Variants in LYSMD4 observed in about 807,000 individuals in gnomAD.
The protein encoded by LYSMD4 is LysM domain containing 4.
In LYSMD4, 9 loss-of-function variants were observed where a neutral mutation model predicts 6.1. The observed-to-expected ratio is 1.47, with a 90% CI of 0.88 to 2.56. LYSMD4 has a LOEUF of 2.56. Ranked by LOEUF, LYSMD4 falls within the 30% of genes most tolerant of loss-of-function variation. LYSMD4 has a pLI of 0.00. For missense variants in LYSMD4, 384 were observed against 373.5 expected (o/e 1.03, Z -0.23); for synonymous variants, 143 against 148.5 (o/e 0.96, Z 0.27).
At chr15:99,724,826 C>A (rs1481973462), downstream of LYSMD4, among the ~76,000 whole-genome samples, 1 of 152,202 alleles carries the variant, frequency 6.6e-6, no homozygotes, top group Non-Finnish European at 1.5e-5. Context: ...AGTCTCTGTG[C>A]AAGTTTTGAG....
rs1291209203 is a variant in LYSMD4 at position 99,729,429 on chromosome 15, G to A, written c.585C>T (p.Thr195=). 2 of 1,614,194 alleles carry A rather than the reference G, an allele frequency of 1.2e-6. No individual in the cohort carries two copies. The highest frequency in any genetic ancestry group is 1.3e-5 in the African/African-American group (1 of 75,064). Residue 195 remains threonine, a synonymous_variant, in exon 3 of 3, where the codon ACC becomes ACT. Coordinates refer to ENST00000684762, the MANE Select transcript of LYSMD4 (RefSeq NM_001284417.2). ...GTGCCGGGAGCAGTGGCTGATGGGA[G>A]GTGTCCATGCAGTAACTTTCATGTA... The part of the protein sequence containing the change: ...IFLHESYCMD[T]SHQPLLPAPP...
upstream of LYSMD4, among the ~76,000 whole-genome samples, chr15:99,722,306 C>A (rs1461422840): frequency 6.6e-6 from 1 of 152,174 alleles, no homozygotes. Context: ...CCTCAGAAGG[C>A]CTTGCCCCGG....
intron 2 of LYSMD4, among the ~76,000 whole-genome samples, chr15:99,730,826 G>C (rs1019704541): frequency 1.3e-5 from 2 of 152,130 alleles, no homozygotes; most frequent in Non-Finnish European, 2.9e-5. Context: ...TCCGGTCTTT[G>C]TAGGACAGGC....
downstream of LYSMD4, among the ~76,000 whole-genome samples, chr15:99,723,310 G>A (rs1334500977): frequency 6.6e-6 from 1 of 152,140 alleles, no homozygotes; most frequent in African/African-American, 2.4e-5. Context: ...AAGCCACACC[G>A]AGGCCCCTCA....
rs1227402601 is a variant in LYSMD4 at position 99,728,808 on chromosome 15, T to C, written c.*315A>G. 2.6e-5 allele frequency: 9 copies of C among 351,788 alleles called. No homozygotes were observed. Among genetic ancestry groups the C allele is most frequent in the Middle Eastern group, 8.2e-4 (1 of 1,220 alleles). 21.8% of individuals were successfully genotyped at this position (351,788 alleles called of 1,614,324 possible). A position where few individuals can be genotyped will look rare whatever the true frequency, so the allele number is the denominator to read the frequency against. On this transcript the variant is annotated 3_prime_UTR_variant, in exon 3 of 3. Transcript: ENST00000684762. ...TCGACAGAGGCCATAAATCTTTCCC[T>C]CCGAGCACGTCCAACTTGGGGGTCC...
At chr15:99,726,992 A>G (rs6598262), downstream of LYSMD4, among the ~76,000 whole-genome samples, 142,272 of 152,232 alleles carry the variant, frequency 0.93, 66,971 homozygotes, top group Non-Finnish European at 0.99. Context: ...AGGTGCAGGG[A>G]ACAGGCACAG....
At chr15:99,733,180 C>T (rs1323438916) in intron 1 of LYSMD4, 165 bp downstream of exon 1, 1 of 373,792 alleles carries the variant, frequency 2.7e-6, no homozygotes, top group Admixed American at 4.6e-5. Flanking sequence ...CTGGGGCCAG[C>T]CCACGACAGT....
At chr15:99,716,856 G>A (rs568355714) in exon 1 of LYSMD4, 3 of 356,604 alleles carry the variant, frequency 8.4e-6, no homozygotes, top group East Asian at 1.5e-4. Flanking sequence ...GAGGGGGTGG[G>A]TATGTTAGCT....
Position 99,728,618 on chromosome 15 carries a change from C to CA in LYSMD4, c.*504dup, listed in dbSNP as rs1220375162. 1 of 170,882 alleles carries CA rather than the reference C, an allele frequency of 5.9e-6. No individual in the cohort carries two copies. The highest frequency in any genetic ancestry group is 2.4e-5 in the African/African-American group (1 of 42,192). The allele number at this position is 170,882 out of a possible 1,614,324, so 10.6% of individuals were successfully genotyped here. A position where few individuals can be genotyped will look rare whatever the true frequency, so the allele number is the denominator to read the frequency against. On this transcript the variant is annotated 3_prime_UTR_variant, in exon 3 of 3. Transcript: ENST00000684762. ...GTAGGCTTGTTACAACTGTAACTGT[C>CA]ACTCTCTAAAACAGGGTGGCATGCC...
chr15:99,718,913 A>G (rs1043754878), upstream of LYSMD4, among the ~76,000 whole-genome samples: 69 of 18,088 alleles, frequency 3.8e-3, no homozygotes, highest in Middle Eastern at 0.022. Context: ...TTATGCGCAC[A>G]CACACACACA....
chr15:99,724,347 A>C (rs1597379816), downstream of LYSMD4, among the ~76,000 whole-genome samples: 1 of 151,640 alleles, frequency 6.6e-6, no homozygotes, highest in South Asian at 2.1e-4. Flanking sequence ...TGTAACCTCC[A>C]CCTCCCAGGC....
At chr15:99,717,651 G>C (rs2059198288) in exon 1 of LYSMD4, 1 of 152,236 alleles carries the variant, frequency 6.6e-6, no homozygotes, top group African/African-American at 2.4e-5. Flanking sequence ...AGCCCCAAAT[G>C]CACATAGCTG....
At chr15:99,719,804 T>G (rs1376542500), upstream of LYSMD4, among the ~76,000 whole-genome samples, 2 of 152,238 alleles carry the variant, frequency 1.3e-5, no homozygotes, top group Non-Finnish European at 2.9e-5. Flanking sequence ...GATGTATCAA[T>G]TTGCATTTCC....
Position 99,729,241 on chromosome 15 carries a change from G to A in LYSMD4, c.773C>T (p.Pro258Leu), listed in dbSNP as rs745450515. 1 of 1,614,214 alleles carries A rather than the reference G, an allele frequency of 6.2e-7. No homozygotes were observed. The highest frequency in any genetic ancestry group is 8.5e-7 in the Non-Finnish European group (1 of 1,180,038). The change falls in exon 3 of 3, where the codon CCC (proline) becomes CTC (leucine). Residue 258 changes from proline (P) to leucine (L), a missense_variant. By Grantham distance (98) the Pro-to-Leu change is moderately conservative. Coordinates refer to ENST00000684762, the MANE Select transcript of LYSMD4 (RefSeq NM_001284417.2). ...TGTACCCATTGCCATCGAGCCATTG[G>A]GGATGACAGTTGTGTTCAAGCTATT... ...TPNSLNTTVI[P>L]NGSMAMGTVP...
At chr15:99,723,111 T>C (rs2059250005), downstream of LYSMD4, among the ~76,000 whole-genome samples, 1 of 151,050 alleles carries the variant, frequency 6.6e-6, no homozygotes, top group African/African-American at 2.4e-5. Context: ...AAAACAGCAA[T>C]AGAAACTATC....
rs760324722 is a variant in LYSMD4, at chr15:99,729,439, C to A, written c.575G>T (p.Cys192Phe). Residue 192 changes from cysteine (C) to phenylalanine (F), a missense_variant, in exon 3 of 3, where the codon TGC becomes TTC. Transcript: ENST00000684762. ...CAGTGGCTGATGGGAGGTGTCCATG[C>A]AGTAACTTTCATGTAGAAAGATTTC... Reference protein sequence around the residue: ...QSEIFLHESYCMDTSHQPLLP... With the variant: ...QSEIFLHESYFMDTSHQPLLP... The A allele has an allele frequency of 1.2e-6, 2 of 1,614,182 alleles. No individual in the cohort carries two copies. Among genetic ancestry groups the A allele is most frequent in the Non-Finnish European group, 1.7e-6 (2 of 1,180,044 alleles).
At chr15:99,719,169 G>T (rs531299646), upstream of LYSMD4, among the ~76,000 whole-genome samples, 1 of 151,990 alleles carries the variant, frequency 6.6e-6, no homozygotes, top group Non-Finnish European at 1.5e-5. Context: ...TGGTTTTGTG[G>T]TTTTTGCCTT....
Position 99,729,440 on chromosome 15 carries a change from A to G in LYSMD4, c.574T>C (p.Cys192Arg). 6.2e-7 allele frequency: 1 copy of G among 1,614,212 alleles called. No individual in the cohort carries two copies. Among genetic ancestry groups the G allele is most frequent in the Non-Finnish European group, 8.5e-7 (1 of 1,180,042 alleles). Residue 192 changes from cysteine to arginine, a missense_variant, in exon 3 of 3, where the codon TGC becomes CGC. Transcript: ENST00000684762. ...AGTGGCTGATGGGAGGTGTCCATGC[A>G]GTAACTTTCATGTAGAAAGATTTCT... ...QSEIFLHESY[C>R]MDTSHQPLLP...
In LYSMD4 at chr15:99,727,760, G is replaced by A. The variant is rs2059304253; in HGVS notation, c.*1363C>T. 1 of 152,200 alleles carries A rather than the reference G, an allele frequency of 6.6e-6. No homozygotes were observed. Among genetic ancestry groups the A allele is most frequent in the African/African-American group, 2.4e-5 (1 of 41,436 alleles). The allele number at this position is 152,200 out of a possible 1,614,324, so 9.4% of individuals were successfully genotyped here. ...AGAAATCGGAAATCACTCTTACATG[G>A]TGAGACCTTTGATACTTTTCTCCAG... On this transcript the variant is annotated 3_prime_UTR_variant, in exon 3 of 3. Transcript: ENST00000684762.
Sources: allele counts gnomAD v4.1 joint callset (sites outside exome capture counted in the v4.1 genomes callset), GRCh38; gene constraint gnomAD v4.1.1; transcripts MANE v1.5; gene names NCBI Gene and HGNC (gene_info 2026-07-23, HGNC 2026-07-21).